KANK1: variants seen among roughly 807,000 people sequenced by gnomAD.
KANK1 encodes the protein KN motif and ankyrin repeat domain-containing protein 1.
Under a neutral mutation model 106.2 loss-of-function variants are expected in KANK1, and 109 were observed. That is an observed-to-expected ratio of 1.03 (90% CI 0.88 to 1.20). The LOEUF is 1.20. Among genes scored for constraint, KANK1 ranks in the 50% most tolerant of loss-of-function variants. The pLI is 0.00. For missense variants in KANK1, 2,399 were observed against 1,710.7 expected (o/e 1.40, Z -7.10); for synonymous variants, 873 against 652.2 (o/e 1.34, Z -5.16).
chr9:725,491 T>C (rs1830416136), intron 3 of KANK1, among the ~76,000 whole-genome samples: 1 of 100,930 alleles, frequency 9.9e-6, no homozygotes, highest in African/African-American at 3.9e-5. Context: ...AGCAAGACTC[T>C]GTCTCAAAAA....
intron 1 of KANK1, among the ~76,000 whole-genome samples, chr9:564,062 CTTTTTTTT>C (rs34396017): frequency 7.1e-6 from 1 of 140,258 alleles, no homozygotes; most frequent in African/African-American, 2.6e-5. Context: ...CACTTTCTTT[CTTTTTTTT>C]TTTTTTTGAG....
At position 732,546 on chromosome 9, in the gene KANK1, G is replaced by C; in HGVS notation, c.3174G>C (p.Leu1058Phe). Residue 1058 changes from leucine (L) to phenylalanine (F), a missense_variant, in exon 6 of 12, where the codon TTG becomes TTC. Transcript: ENST00000382297. ...EGHHAVNIEG[L>F]KSARVEDEMQ... ...ACCATGCAGTTAATATTGAAGGTTTGAAGTCTGCCAGGGTGGAAGATGAAA... is the reference window on the plus strand; with the variant it reads ...ACCATGCAGTTAATATTGAAGGTTTCAAGTCTGCCAGGGTGGAAGATGAAA... 6.2e-7 allele frequency: 1 copy of C among 1,614,148 alleles called. No homozygotes were observed. The highest frequency in any genetic ancestry group is 8.5e-7 in the Non-Finnish European group (1 of 1,180,012).
intron 1 of KANK1, among the ~76,000 whole-genome samples, chr9:545,389 G>C (rs753880543): frequency 1.3e-5 from 2 of 152,196 alleles, no homozygotes; most frequent in Non-Finnish European, 2.9e-5. Flanking sequence ...AAAAGAGAAA[G>C]AGCAGAATGA....
intron 1 of KANK1, among the ~76,000 whole-genome samples, chr9:671,964 T>A (rs1033664995): frequency 1.3e-5 from 2 of 152,110 alleles, no homozygotes; most frequent in Non-Finnish European, 2.9e-5. Flanking sequence ...GAAAAAAAAT[T>A]ACATAAAATT....
At chr9:566,270 T>G (rs1406929321) in intron 1 of KANK1, among the ~76,000 whole-genome samples, 1 of 152,228 alleles carries the variant, frequency 6.6e-6, no homozygotes, top group African/African-American at 2.4e-5. Flanking sequence ...GATGGGCGTT[T>G]AGGTTGATTC....
chr9:643,023 A>C lies in KANK1; in HGVS notation c.-83-33867A>C, dbSNP rs897655764. Among the ~76,000 whole-genome samples, 2 of 150,808 alleles carry C rather than the reference A, an allele frequency of 1.3e-5. 1 individual carries two copies. Among genetic ancestry groups the C allele is most frequent in the African/African-American group, 5.0e-5 (2 of 40,136 alleles). ...AATATGGTGGCACCTTTTAATAAAA[A>C]AGAGGAAAGCCTATTTGGAAACATA... On this transcript the variant is annotated intron_variant, in intron 1 of 11. Transcript: ENST00000382297.
Position 730,124 on chromosome 9 carries a change from G to A in KANK1, c.2772G>A (p.Gln924=). ...SGSPLSSQTS[Q]PEQEVGTSEG... ...GTCCCTTAAGCTCCCAGACATCCCA[G>A]CCTGAGCAAGAAGTGGGGACCTCAG... Residue 924 remains glutamine (Q), a synonymous_variant, in exon 4 of 12, where the codon CAG becomes CAA. Coordinates refer to ENST00000382297, the MANE Select transcript of KANK1 (RefSeq NM_015158.5). 6.2e-7 allele frequency: 1 copy of A among 1,614,178 alleles called. No homozygotes were observed. Among genetic ancestry groups the A allele is most frequent in the South Asian group, 1.1e-5 (1 of 91,088 alleles).
intron 1 of KANK1, among the ~76,000 whole-genome samples, chr9:534,270 A>G (rs377143631): frequency 1.4e-4 from 21 of 152,212 alleles, no homozygotes; most frequent in African/African-American, 4.6e-4. Context: ...TGAACAATGG[A>G]ATTGTTAGAA....
At chr9:513,901 C>T (rs1265135649) in intron 1 of KANK1, among the ~76,000 whole-genome samples, 1 of 152,112 alleles carries the variant, frequency 6.6e-6, no homozygotes, top group Non-Finnish European at 1.5e-5. Context: ...CCTGTAGTCC[C>T]AGCTACTTGG....
intron 1 of KANK1, among the ~76,000 whole-genome samples, chr9:538,231 A>C (rs1384295391): frequency 6.6e-6 from 1 of 152,166 alleles, no homozygotes; most frequent in Non-Finnish European, 1.5e-5. Context: ...GTACTTGAGA[A>C]AGATCGTGTT....
intron 1 of KANK1, among the ~76,000 whole-genome samples, chr9:624,138 A>G (rs1420130869): frequency 6.6e-6 from 1 of 152,212 alleles, no homozygotes; most frequent in Non-Finnish European, 1.5e-5. Context: ...ACAGAAAAAC[A>G]AATACTGTAT....
intron 2 of KANK1, chr9:706,729 G>A (rs1393356735): frequency 1.0e-6 from 1 of 960,018 alleles, no homozygotes; most frequent in Admixed American, 6.2e-5. Flanking sequence ...TAAGCCCAGG[G>A]CTGAGAAGAG....
chr9:669,224 T>A (rs1332382796), intron 1 of KANK1, among the ~76,000 whole-genome samples: 3 of 152,214 alleles, frequency 2.0e-5, no homozygotes, highest in Non-Finnish European at 4.4e-5. Context: ...ACTAGAATTA[T>A]GGGTAACTTA....
rs1380483396 is a variant in KANK1, at chr9:504,727, G to T, written c.-111G>T. ...GGGTCCGCGGCGGAGCGAGCGAGCG[G>T]CCGGCAGGTTGGGAGGAGCGGCCGA... On this transcript the variant is annotated 5_prime_UTR_variant, in exon 1 of 12. Coordinates refer to ENST00000382297, the MANE Select transcript of KANK1 (RefSeq NM_015158.5). 6.7e-6 allele frequency: 1 copy of T among 149,262 alleles called. No homozygotes were observed. The highest frequency in any genetic ancestry group is 2.0e-4 in the East Asian group (1 of 4,920). 9.2% of individuals were successfully genotyped at this position (149,262 alleles called of 1,614,324 possible). A position where few individuals can be genotyped will look rare whatever the true frequency, so the allele number is the denominator to read the frequency against.
intron 4 of KANK1, 67 bp downstream of exon 4, chr9:730,315 T>C (rs1233331548): frequency 7.0e-7 from 1 of 1,438,288 alleles, no homozygotes; most frequent in Non-Finnish European, 9.8e-7. Flanking sequence ...CATTCCAATT[T>C]AATGTCAATG....
intron 1 of KANK1, among the ~76,000 whole-genome samples, chr9:662,748 A>G (rs9775078): frequency 0.84 from 126,535 of 150,924 alleles, 53,168 homozygotes; most frequent in East Asian, 0.97. Flanking sequence ...TGCAATCTCC[A>G]CCTCCTGGGT....
At chr9:657,284 T>C (rs1239459676) in intron 1 of KANK1, among the ~76,000 whole-genome samples, 1 of 152,220 alleles carries the variant, frequency 6.6e-6, no homozygotes, top group African/African-American at 2.4e-5. Flanking sequence ...TAATGGACTT[T>C]TAGGTTGCTT....
chr9:648,692 C>A (rs916231126), intron 1 of KANK1, among the ~76,000 whole-genome samples: 2 of 152,142 alleles, frequency 1.3e-5, no homozygotes, highest in African/African-American at 4.8e-5. Flanking sequence ...GAGCTCACGT[C>A]TTTGAGCTTC....
intron 3 of KANK1, among the ~76,000 whole-genome samples, chr9:477,192 T>A (rs2058120130): frequency 6.6e-6 from 1 of 152,124 alleles, no homozygotes. Flanking sequence ...GATAATATAT[T>A]TTAGATGTAT....
Sources: allele counts gnomAD v4.1 joint callset (sites outside exome capture counted in the v4.1 genomes callset), GRCh38; gene constraint gnomAD v4.1.1; transcripts MANE v1.5; gene names NCBI Gene and HGNC (gene_info 2026-07-23, HGNC 2026-07-21).